ANKRD30B: variants seen among roughly 807,000 people sequenced by gnomAD.
The protein encoded by ANKRD30B is ankyrin repeat domain-containing protein 30B.
ANKRD30B carries 144 observed loss-of-function variants against 202.2 expected under a neutral mutation model. That is an observed-to-expected ratio of 0.71 (90% CI 0.62 to 0.82). The LOEUF (loss-of-function observed/expected upper bound fraction) is 0.82, where lower values mean the gene tolerates loss of function less well. Ranked by LOEUF, ANKRD30B falls within the 40% of genes least tolerant of loss-of-function variation. The probability of loss-of-function intolerance (pLI) is 0.00; values close to 1 mark genes in which losing one functional copy is unlikely to be tolerated. For synonymous variants in ANKRD30B, 508 were observed against 561.3 expected (o/e 0.91, Z 1.34); for missense variants, 1,487 against 1,669.1 (o/e 0.89, Z 1.90).
At chr18:14,938,456 C>G in the ANKRD30B span, among the ~76,000 whole-genome samples, 1 of 152,180 alleles carries the variant, frequency 6.6e-6, no homozygotes, top group Non-Finnish European at 1.5e-5. Flanking sequence ...ACCCATATTC[C>G]CTTTCTCCTC....
chr18:14,931,481 C>G, the ANKRD30B span, among the ~76,000 whole-genome samples: 1 of 152,190 alleles, frequency 6.6e-6, no homozygotes, highest in Non-Finnish European at 1.5e-5. Flanking sequence ...TGGAAACCCA[C>G]TAGGCTTTTG....
intron 8 of ANKRD30B, among the ~76,000 whole-genome samples, chr18:14,769,927 TAAG>T (rs1398853160): frequency 6.6e-6 from 1 of 152,194 alleles, no homozygotes; most frequent in Non-Finnish European, 1.5e-5. Flanking sequence ...TTTTGTTTCA[TAAG>T]AAGACCAGGT....
intron 16 of ANKRD30B, among the ~76,000 whole-genome samples, chr18:14,793,146 G>C (rs1039114667): frequency 2.6e-5 from 4 of 151,932 alleles, no homozygotes; most frequent in Non-Finnish European, 4.4e-5. Context: ...AAAAATGTTG[G>C]ATACTATTGT....
chr18:14,756,187 C>T (rs1914328866), intron 4 of ANKRD30B, among the ~76,000 whole-genome samples: 1 of 152,158 alleles, frequency 6.6e-6, no homozygotes, highest in Admixed American at 6.5e-5. Flanking sequence ...TGTCTTTTGG[C>T]TGCATAAATG....
chr18:14,749,553 C>G (rs1166748801), intron 1 of ANKRD30B, among the ~76,000 whole-genome samples: 2 of 151,568 alleles, frequency 1.3e-5, no homozygotes, highest in Non-Finnish European at 2.9e-5. Context: ...TGCCTGTAAT[C>G]CCAGCTACTT....
chr18:14,931,910 C>T, the ANKRD30B span, among the ~76,000 whole-genome samples: 2 of 141,120 alleles, frequency 1.4e-5, no homozygotes, highest in South Asian at 4.5e-4. Flanking sequence ...GGCCCCCCAC[C>T]CCACCTCCCT....
At position 14,806,517 on chromosome 18, in the gene ANKRD30B, A is replaced by G. The variant is rs1425314080; in HGVS notation, c.2285-2034A>G. Reference sequence around the variant, plus strand: ...CCAGTGTACCCCTTTATAAAAAGAAAGTAATTTAAAAAAATAACGAAGGTA... The same window carrying G: ...CCAGTGTACCCCTTTATAAAAAGAAGGTAATTTAAAAAAATAACGAAGGTA... On this transcript the variant is annotated intron_variant, in intron 24 of 43. Coordinates refer to ENST00000690538, the MANE Select transcript of ANKRD30B (RefSeq NM_001367607.2). 3.3e-5 allele frequency among the ~76,000 whole-genome samples: 5 copies of G among 151,042 alleles called. No homozygotes were observed. In the East Asian group the frequency reaches 9.7e-4, roughly 29 times the overall value.
chr18:14,859,218 C>A (rs1972144501), downstream of ANKRD30B, among the ~76,000 whole-genome samples: 1 of 50,706 alleles, frequency 2.0e-5, no homozygotes, highest in Non-Finnish European at 3.6e-5. Context: ...TGATGGGCAG[C>A]TGGGCAAAGG....
chr18:14,778,951 T>A (rs1488931360), intron 10 of ANKRD30B, among the ~76,000 whole-genome samples: 1 of 152,158 alleles, frequency 6.6e-6, no homozygotes, highest in South Asian at 2.1e-4. Context: ...GAAATGGTAA[T>A]TACAGATGTC....
intron 32 of ANKRD30B, among the ~76,000 whole-genome samples, chr18:14,823,920 A>C (rs1970559968): frequency 6.6e-6 from 1 of 152,178 alleles, no homozygotes; most frequent in Non-Finnish European, 1.5e-5. Flanking sequence ...AGTTGCAGTG[A>C]GCAAAGATCG....
the ANKRD30B span, among the ~76,000 whole-genome samples, chr18:14,893,023 G>A: frequency 0.023 from 3,507 of 151,232 alleles, 139 homozygotes; most frequent in African/African-American, 0.081. Flanking sequence ...AAGATTCTAC[G>A]TTTAGCTGAG....
chr18:14,825,567 A>C (rs985262487), intron 32 of ANKRD30B, among the ~76,000 whole-genome samples: 1 of 151,756 alleles, frequency 6.6e-6, no homozygotes, highest in Non-Finnish European at 1.5e-5. Flanking sequence ...CTACCAACTC[A>C]AAGTAAAGAA....
At chr18:14,765,260 C>G (rs772566631) in intron 7 of ANKRD30B, among the ~76,000 whole-genome samples, 1 of 151,900 alleles carries the variant, frequency 6.6e-6, no homozygotes, top group Non-Finnish European at 1.5e-5. Flanking sequence ...GGAGTTCGTT[C>G]GAGAACAGCT....
chr18:14,799,620 A>T (rs1417350226), intron 22 of ANKRD30B, among the ~76,000 whole-genome samples: 1 of 152,136 alleles, frequency 6.6e-6, no homozygotes, highest in Admixed American at 6.6e-5. Flanking sequence ...AGTGTTTCAA[A>T]TGCTGACTGG....
At chr18:14,799,334 A>T (rs780417902) in intron 22 of ANKRD30B, 39 bp downstream of exon 22, 1 of 1,458,416 alleles carries the variant, frequency 6.9e-7, no homozygotes, top group East Asian at 2.5e-5. Context: ...GGAATTAAGA[A>T]TATTAAACTA....
Position 14,799,314 on chromosome 18 carries a change from A to G in ANKRD30B, c.2131+19A>G, listed in dbSNP as rs1969157305. 1 of 1,504,456 alleles carries G rather than the reference A, an allele frequency of 6.6e-7. No homozygotes were observed. The highest frequency in any genetic ancestry group is 8.9e-7 in the Non-Finnish European group (1 of 1,124,962). 93.2% of individuals were successfully genotyped at this position (1,504,456 alleles called of 1,614,324 possible). A position where few individuals can be genotyped will look rare whatever the true frequency, so the allele number is the denominator to read the frequency against. ...AAAGCAGGTAAATTTTGCAATTTTAATTTTACTCTGGAATTAAGAATATTA... is the reference window on the plus strand; with the variant it reads ...AAAGCAGGTAAATTTTGCAATTTTAGTTTTACTCTGGAATTAAGAATATTA... On this transcript the variant is annotated intron_variant, in intron 22 of 43. Coordinates refer to ENST00000690538, the MANE Select transcript of ANKRD30B (RefSeq NM_001367607.2).
At chr18:14,862,456 G>A in the ANKRD30B span, among the ~76,000 whole-genome samples, 2 of 152,162 alleles carry the variant, frequency 1.3e-5, no homozygotes, top group East Asian at 3.8e-4. Context: ...GGATACCACT[G>A]ACATAAAAAA....
At chr18:14,837,577 A>G (rs1297186347) in intron 35 of ANKRD30B, 38 bp from the exon 36 acceptor site, 4 of 1,415,906 alleles carry the variant, frequency 2.8e-6, no homozygotes, top group Non-Finnish European at 2.9e-6. Flanking sequence ...ACAGTAATAA[A>G]CATTCTCATA....
At chr18:14,821,284 A>G (rs1218377645) in intron 30 of ANKRD30B, among the ~76,000 whole-genome samples, 1 of 151,776 alleles carries the variant, frequency 6.6e-6, no homozygotes, top group Non-Finnish European at 1.5e-5. Context: ...CTAGCGGTCT[A>G]TCAATTTTGT....
Sources: allele counts gnomAD v4.1 joint callset (sites outside exome capture counted in the v4.1 genomes callset), GRCh38; gene constraint gnomAD v4.1.1; transcripts MANE v1.5; gene names NCBI Gene and HGNC (gene_info 2026-07-23, HGNC 2026-07-21).